WDPCP: variants seen among roughly 807,000 people sequenced by gnomAD.
WDPCP encodes the protein WD repeat-containing and planar cell polarity effector protein fritz homolog.
In WDPCP, 71 loss-of-function variants were observed where a neutral mutation model predicts 93.1. That is an observed-to-expected ratio of 0.76 (90% CI 0.63 to 0.93). The LOEUF is 0.93. Among genes scored for constraint, WDPCP ranks in the 40% least tolerant of loss-of-function variants. WDPCP has a pLI of 0.00. For missense variants in WDPCP, 844 were observed against 887.4 expected, an observed-to-expected ratio of 0.95 and a Z score of 0.62; for synonymous variants, 315 against 315.0, an observed-to-expected ratio of 1.00 and a Z score of 0.00.
chr2:63,120,572 G>A lies in WDPCP; in HGVS notation c.*1434C>T, dbSNP rs572741163. 6.8e-6 allele frequency among the ~76,000 whole-genome samples: 1 copy of A among 146,226 alleles called. No individual in the cohort carries two copies. The highest frequency in any genetic ancestry group is 1.5e-5 in the Non-Finnish European group (1 of 67,190). ...AACGGAGTCTTACTTTGTCACCCAG[G>A]CTGGAGCGTAATGGTGCGACCTCAG... On this transcript the variant is annotated 3_prime_UTR_variant, in exon 18 of 18. Transcript: ENST00000272321.
chr2:63,374,959 A>C (rs890812951), intron 12 of WDPCP, among the ~76,000 whole-genome samples: 11 of 152,150 alleles, frequency 7.2e-5, no homozygotes, highest in Non-Finnish European at 1.6e-4. Flanking sequence ...AATAAATCTC[A>C]AATTCCCCAA....
At chr2:63,768,421 TAAA>T (rs1207441548) in intron 2 of WDPCP, among the ~76,000 whole-genome samples, 2 of 151,970 alleles carry the variant, frequency 1.3e-5, no homozygotes, top group Non-Finnish European at 2.9e-5. Flanking sequence ...TGTCAACTTT[TAAA>T]AAATCTGCTG....
intron 7 of WDPCP, among the ~76,000 whole-genome samples, chr2:63,439,490 C>G (rs893131285): frequency 5.3e-5 from 8 of 151,862 alleles, no homozygotes; most frequent in African/African-American, 1.7e-4. Context: ...AAAACAAAAC[C>G]CTATTTTGAA....
intron 3 of WDPCP, among the ~76,000 whole-genome samples, chr2:63,620,001 G>A (rs917896442): frequency 5.9e-5 from 9 of 152,166 alleles, no homozygotes; most frequent in East Asian, 3.8e-4. Flanking sequence ...CAGATACTAC[G>A]CTTTTCCCAT....
At chr2:63,775,475 C>T (rs1670289032) in intron 2 of WDPCP, among the ~76,000 whole-genome samples, 1 of 152,176 alleles carries the variant, frequency 6.6e-6, no homozygotes, top group Admixed American at 6.5e-5. Flanking sequence ...AGTATGTCTC[C>T]TAAGCAGTTG....
chr2:63,193,583 T>G (rs1438183288), intron 14 of WDPCP, among the ~76,000 whole-genome samples: 1 of 152,210 alleles, frequency 6.6e-6, no homozygotes, highest in Non-Finnish European at 1.5e-5. Context: ...ACTGCTAGGT[T>G]TAAGCAATCC....
At chr2:63,122,217 G>A (rs951836422) in intron 17 of WDPCP, among the ~76,000 whole-genome samples, 161 bp from the exon 18 acceptor site, 4 of 152,118 alleles carry the variant, frequency 2.6e-5, no homozygotes, top group African/African-American at 9.7e-5. Context: ...ATACTTACCT[G>A]ACTTGGTCAT....
chr2:63,634,443 T>C (rs538919423), intron 3 of WDPCP, among the ~76,000 whole-genome samples: 6 of 152,308 alleles, frequency 3.9e-5, no homozygotes, highest in African/African-American at 1.4e-4. Context: ...TAACATCTCA[T>C]TTTCAAAATG....
chr2:63,714,111 A>G (rs537601096), intron 2 of WDPCP, among the ~76,000 whole-genome samples: 2 of 146,978 alleles, frequency 1.4e-5, no homozygotes, highest in African/African-American at 5.1e-5. Flanking sequence ...GCTGCAGTGC[A>G]GTGGTGCCAT....
chr2:63,379,232 A>C (rs1692104345), intron 11 of WDPCP, among the ~76,000 whole-genome samples: 1 of 152,160 alleles, frequency 6.6e-6, no homozygotes, highest in African/African-American at 2.4e-5. Flanking sequence ...GAAGTTAAGT[A>C]ATTACCATAA....
intron 2 of WDPCP, among the ~76,000 whole-genome samples, chr2:63,656,955 G>C (rs1294293584): frequency 2.6e-5 from 4 of 152,162 alleles, no homozygotes. Flanking sequence ...AGACTATCTA[G>C]GGAAGGGAAT....
intron 15 of WDPCP, among the ~76,000 whole-genome samples, chr2:63,166,794 A>G (rs1673025176): frequency 6.6e-6 from 1 of 152,320 alleles, no homozygotes; most frequent in Admixed American, 6.5e-5. Context: ...TTGTGTTACA[A>G]ACATTCCAAT....
At chr2:63,370,763 T>C (rs909140585) in intron 12 of WDPCP, among the ~76,000 whole-genome samples, 2 of 152,140 alleles carry the variant, frequency 1.3e-5, no homozygotes, top group African/African-American at 4.8e-5. Flanking sequence ...TTTTCAGTTT[T>C]CCCCATTTTT....
intron 2 of WDPCP, among the ~76,000 whole-genome samples, chr2:63,697,764 C>T (rs1668980403): frequency 6.6e-6 from 1 of 151,636 alleles, no homozygotes; most frequent in Non-Finnish European, 1.5e-5. Context: ...TCTCCCACCT[C>T]AGCCTCTGGA....
At chr2:63,566,908 T>C (rs1039641793) in intron 1 of WDPCP, among the ~76,000 whole-genome samples, 1 of 152,202 alleles carries the variant, frequency 6.6e-6, no homozygotes, top group Non-Finnish European at 1.5e-5. Context: ...AAAGGAACCT[T>C]ACTTACTGTT....
At chr2:63,266,803 CTCAA>C (rs1183764434) in intron 13 of WDPCP, among the ~76,000 whole-genome samples, 1 of 152,020 alleles carries the variant, frequency 6.6e-6, no homozygotes, top group East Asian at 1.9e-4. Context: ...GAGACTCTGT[CTCAA>C]TCAATCAATC....
chr2:63,627,187 C>A (rs542367181), intron 3 of WDPCP, among the ~76,000 whole-genome samples: 1 of 152,112 alleles, frequency 6.6e-6, no homozygotes, highest in Non-Finnish European at 1.5e-5. Context: ...TAGAACACAA[C>A]ATTTAGTTGA....
chr2:63,185,502 A>G (rs1438353885), intron 14 of WDPCP, among the ~76,000 whole-genome samples: 1 of 151,860 alleles, frequency 6.6e-6, no homozygotes, highest in Non-Finnish European at 1.5e-5. Flanking sequence ...CTATGTATGA[A>G]TTCCTTGGTT....
intron 1 of WDPCP, among the ~76,000 whole-genome samples, chr2:63,557,539 T>G (rs1706222344): frequency 6.6e-6 from 1 of 152,186 alleles, no homozygotes; most frequent in African/African-American, 2.4e-5. Flanking sequence ...CAAAGAGACT[T>G]AGACTCCCAC....
Sources: gnomAD v4.1 joint callset for allele counts (sites outside exome capture counted in the v4.1 genomes callset) on GRCh38, gnomAD v4.1.1 for gene constraint, MANE v1.5 for transcripts, NCBI Gene and HGNC (gene_info 2026-07-23, HGNC 2026-07-21) for gene names.